Variants in KMT2E observed in about 807,000 individuals in gnomAD.
KMT2E encodes histone reader KMT2E.
KMT2E carries 30 observed loss-of-function variants against 184.6 expected under a neutral mutation model. That is an observed-to-expected ratio of 0.16 (90% CI 0.12 to 0.22). The LOEUF (loss-of-function observed/expected upper bound fraction) is 0.22. KMT2E is among the 10% of genes least tolerant of loss of function. The pLI is 1.00. For missense variants in KMT2E, 2,023 were observed against 2,237.4 expected, an observed-to-expected ratio of 0.90 and a Z score of 1.93; for synonymous variants, 815 against 776.5, an observed-to-expected ratio of 1.05 and a Z score of -0.82.
chr7:105,101,323 G>C (rs1464280760), intron 15 of KMT2E, 102 bp from the exon 16 acceptor site: 1 of 755,792 alleles, frequency 1.3e-6, no homozygotes, highest in Non-Finnish European at 1.9e-6. Flanking sequence ...TTTGCTGATA[G>C]TATCATAGCA....
rs775128207 is a variant in KMT2E at position 105,090,074 on chromosome 7, C to G, written c.1424C>G (p.Ser475Cys). Reference protein sequence around the residue: ...NPECPVLKRSSESMENINSGY... With the variant: ...NPECPVLKRSCESMENINSGY... Reference sequence around the variant, plus strand: ...GAGTGCCCTGTTCTAAAACGTAGTTCTGAATCCATGGAAAATATCAATAGT... The same window carrying G: ...GAGTGCCCTGTTCTAAAACGTAGTTGTGAATCCATGGAAAATATCAATAGT... Residue 475 changes from serine to cysteine, a missense_variant, in exon 14 of 27, where the codon TCT becomes TGT. Transcript: ENST00000311117. 36 of 1,613,588 alleles carry G rather than the reference C, an allele frequency of 2.2e-5. No homozygotes were observed. Among genetic ancestry groups the G allele is most frequent in the Non-Finnish European group, 3.0e-5 (35 of 1,179,910 alleles).
chr7:105,048,762 T>C (rs898926966), intron 3 of KMT2E, among the ~76,000 whole-genome samples: 2 of 152,218 alleles, frequency 1.3e-5, no homozygotes, highest in Non-Finnish European at 2.9e-5. Flanking sequence ...AAGCAGACTG[T>C]GTGTGTAAAT....
At chr7:105,014,780 AC>A (rs998909533) in intron 1 of KMT2E, among the ~76,000 whole-genome samples, 3 of 151,418 alleles carry the variant, frequency 2.0e-5, no homozygotes, top group Non-Finnish European at 4.4e-5. Flanking sequence ...TGGCAGTTAA[AC>A]CCCCTTGAGA....
rs188352691 is a variant in KMT2E at position 105,019,022 on chromosome 7, T to C, written c.-189+4487T>C. ...ACTTTATATAAAATACTCTGTTTAA[T>C]AGCAATTGCAATATTTTTAATAGCA... On this transcript the variant is annotated intron_variant, in intron 1 of 26. Transcript: ENST00000311117. Among the ~76,000 whole-genome samples, 9 of 152,286 alleles carry C rather than the reference T, an allele frequency of 5.9e-5. No individual in the cohort carries two copies. In the East Asian group the frequency reaches 1.5e-3, roughly 26 times the overall value.
At chr7:105,051,945 G>C (rs541917958) in intron 3 of KMT2E, among the ~76,000 whole-genome samples, 4 of 152,170 alleles carry the variant, frequency 2.6e-5, no homozygotes, top group African/African-American at 9.6e-5. Context: ...TCCTCATCCA[G>C]GCCCTTGTAA....
At chr7:105,023,926 G>C (rs1006612398) in intron 1 of KMT2E, among the ~76,000 whole-genome samples, 107 of 152,206 alleles carry the variant, frequency 7.0e-4, no homozygotes, top group African/African-American at 2.4e-3. Flanking sequence ...ATGGTTTCTA[G>C]AACTTTGTAG....
intron 1 of KMT2E, among the ~76,000 whole-genome samples, chr7:105,037,386 A>G (rs1011533981): frequency 2.6e-5 from 4 of 151,718 alleles, no homozygotes; most frequent in Non-Finnish European, 5.9e-5. Flanking sequence ...TTTTTAAGAC[A>G]GGGTCTCCCT....
At chr7:105,085,168 C>A (rs986863969) in intron 13 of KMT2E, among the ~76,000 whole-genome samples, 2 of 151,824 alleles carry the variant, frequency 1.3e-5, no homozygotes, top group Admixed American at 1.3e-4. Context: ...CTATAATGTG[C>A]ACAGTTCAAA....
At position 105,106,635 on chromosome 7, in the gene KMT2E, A is replaced by C. The variant is rs1798909630; in HGVS notation, c.2710A>C (p.Thr904Pro). ...TGCTACACCAACTCACACCGATATT[A>C]CTCCTATGGACCCATCTTTTGCCAC... is the stretch of plus-strand genomic sequence containing the variant. ...PYATPTHTDI[T>P]PMDPSFATPP... Residue 904 changes from threonine (T) to proline (P), a missense_variant, in exon 20 of 27, where the codon ACT (threonine) becomes CCT (proline). Coordinates refer to ENST00000311117, the MANE Select transcript of KMT2E (RefSeq NM_182931.3). 6.2e-7 allele frequency: 1 copy of C among 1,613,780 alleles called. No individual in the cohort carries two copies. The highest frequency in any genetic ancestry group is 8.5e-7 in the Non-Finnish European group (1 of 1,179,946).
intron 13 of KMT2E, among the ~76,000 whole-genome samples, chr7:105,084,025 C>A (rs761160160): frequency 3.3e-5 from 5 of 152,080 alleles, no homozygotes; most frequent in African/African-American, 9.7e-5. Flanking sequence ...ACGCATGCAC[C>A]CACATAAAAG....
intron 15 of KMT2E, among the ~76,000 whole-genome samples, chr7:105,096,726 TAGAC>T (rs905439627): frequency 3.4e-4 from 51 of 152,206 alleles, no homozygotes; most frequent in Admixed American, 8.5e-4. Context: ...TGAGGAAAGA[TAGAC>T]AGACAGATAC....
chr7:105,028,665 A>T (rs1795272620), intron 1 of KMT2E, among the ~76,000 whole-genome samples: 1 of 151,330 alleles, frequency 6.6e-6, no homozygotes, highest in African/African-American at 2.4e-5. Context: ...CACCTGGCTA[A>T]TTTTCATTTT....
At chr7:105,090,458 T>C (rs1373929527) in intron 14 of KMT2E, among the ~76,000 whole-genome samples, 185 bp downstream of exon 14, 1 of 152,224 alleles carries the variant, frequency 6.6e-6, no homozygotes, top group Non-Finnish European at 1.5e-5. Context: ...TGTTGAATTA[T>C]TAAGAAACAG....
chr7:105,067,438 A>G (rs1797079108), intron 6 of KMT2E, among the ~76,000 whole-genome samples: 1 of 151,988 alleles, frequency 6.6e-6, no homozygotes, highest in Non-Finnish European at 1.5e-5. Flanking sequence ...TTTATTATGG[A>G]CATTTCAAAC....
intron 3 of KMT2E, among the ~76,000 whole-genome samples, chr7:105,059,415 C>A (rs1212180305): frequency 6.6e-6 from 1 of 152,188 alleles, no homozygotes; most frequent in Non-Finnish European, 1.5e-5. Context: ...AAAAGTGTCA[C>A]TGTTGTAATC....
chr7:105,035,022 ATTTTTT>A (rs981054177), intron 1 of KMT2E, among the ~76,000 whole-genome samples: 2 of 129,720 alleles, frequency 1.5e-5, no homozygotes, highest in African/African-American at 5.7e-5. Context: ...CACCTGGCTA[ATTTTTT>A]TTTTTTTTTT....
intron 11 of KMT2E, 44 bp from the exon 12 acceptor site, chr7:105,078,802 C>T (rs1797637069): frequency 8.7e-7 from 1 of 1,152,196 alleles, no homozygotes; most frequent in Non-Finnish European, 1.3e-6. Flanking sequence ...ACCAGCATGC[C>T]CGGCCTAAAA....
chr7:105,018,460 G>A (rs1794807179), intron 1 of KMT2E, among the ~76,000 whole-genome samples: 1 of 152,094 alleles, frequency 6.6e-6, no homozygotes, highest in African/African-American at 2.4e-5. Context: ...ATCTTTTATT[G>A]AAGCAAACAC....
chr7:105,018,822 C>G lies in KMT2E; in HGVS notation c.-189+4287C>G, dbSNP rs368590996. On this transcript the variant is annotated intron_variant, in intron 1 of 26. Coordinates refer to ENST00000311117, the MANE Select transcript of KMT2E (RefSeq NM_182931.3). ...TTGAAAGAATAATTTTTTGTATTAC[C>G]TACAAATTTACTTAACATGGAGGAA... Among the ~76,000 whole-genome samples, 27 of 151,992 alleles carry G rather than the reference C, an allele frequency of 1.8e-4. No individual in the cohort carries two copies. In the East Asian group the frequency reaches 4.6e-3, roughly 26 times the overall value.
Sources: gnomAD v4.1 joint callset for allele counts (sites outside exome capture counted in the v4.1 genomes callset) on GRCh38, gnomAD v4.1.1 for gene constraint, MANE v1.5 for transcripts, NCBI Gene and HGNC (gene_info 2026-07-23, HGNC 2026-07-21) for gene names.